GLB1L2: variants seen among roughly 807,000 people sequenced by gnomAD.
The protein encoded by GLB1L2 is galactosidase beta 1 like 2.
Under a neutral mutation model 84.1 loss-of-function variants are expected in GLB1L2, and 68 were observed. That is an observed-to-expected ratio of 0.81 (90% confidence interval 0.67 to 0.99). The LOEUF is 0.99. GLB1L2 is among the 50% of genes least tolerant of loss of function. The pLI is 0.00. For synonymous variants in GLB1L2, 290 were observed against 318.0 expected, an observed-to-expected ratio of 0.91 and a Z score of 0.94; for missense variants, 762 against 805.6, an observed-to-expected ratio of 0.95 and a Z score of 0.66.
In GLB1L2 at chr11:134,371,479, TC is replaced by T; in HGVS notation, c.1420del (p.Leu474Ter). On this transcript the variant is annotated frameshift_variant, in exon 14 of 19. Transcript: ENST00000535456. LOFTEE classifies it high-confidence loss of function. ...FLDYKTTKIA[V>X]PLIQGYTVLR... is the part of the protein sequence containing the mutation. ...GACTACAAGACAACGAAGATTGCTGTCCCCCTGATCCAGGTTCGTTGTTTTT... is the reference window on the plus strand; with the variant it reads ...GACTACAAGACAACGAAGATTGCTGTCCCCTGATCCAGGTTCGTTGTTTTT... The T allele has an allele frequency of 1.3e-6, 2 of 1,586,744 alleles. No individual in the cohort carries two copies. The highest frequency in any genetic ancestry group is 1.7e-6 in the Non-Finnish European group (2 of 1,155,126).
intron 11 of GLB1L2, 86 bp downstream of exon 11, chr11:134,369,971 C>T: frequency 1.8e-6 from 2 of 1,095,050 alleles, no homozygotes; most frequent in Non-Finnish European, 2.8e-6. Flanking sequence ...CTTACTGTCC[C>T]ACCTCGACCC....
chr11:134,349,261 T>C (rs1943593072), intron 5 of GLB1L2, among the ~76,000 whole-genome samples: 1 of 152,250 alleles, frequency 6.6e-6, no homozygotes, highest in Non-Finnish European at 1.5e-5. Flanking sequence ...TGTCATAGCC[T>C]GTGTCAGAAT....
intron 16 of GLB1L2, 84 bp downstream of exon 16, chr11:134,373,892 C>T: frequency 9.7e-7 from 1 of 1,035,870 alleles, no homozygotes; most frequent in Non-Finnish European, 1.5e-6. Context: ...TGCACCGTGG[C>T]CTGGCCCGCA....
At chr11:134,347,149 G>A in intron 4 of GLB1L2, 176 bp from the exon 5 acceptor site, 1 of 626,246 alleles carries the variant, frequency 1.6e-6, no homozygotes. Flanking sequence ...GCGGGTGGGT[G>A]CTCGCCCCAG....
intron 1 of GLB1L2, among the ~76,000 whole-genome samples, chr11:134,342,471 C>T (rs1249405042): frequency 2.0e-5 from 3 of 152,094 alleles, no homozygotes; most frequent in Admixed American, 1.3e-4. Context: ...CAGCCTCTCC[C>T]GTGGCGTGAC....
intron 1 of GLB1L2, 27 bp downstream of exon 1, chr11:134,332,174 G>A (rs1312258838): frequency 6.8e-7 from 1 of 1,467,342 alleles, no homozygotes; most frequent in Non-Finnish European, 9.2e-7. Flanking sequence ...CGCAGCACCT[G>A]CCGGACCCCA....
chr11:134,374,846 TG>T lies in GLB1L2; in HGVS notation c.1825-125del. 3.5e-6 allele frequency: 4 copies of T among 1,152,430 alleles called. No homozygotes were observed. In the South Asian group the frequency reaches 5.3e-5, roughly 15 times the overall value. The allele number at this position is 1,152,430 out of a possible 1,614,324, so 71.4% of individuals were successfully genotyped here. On this transcript the variant is annotated intron_variant, in intron 18 of 18. Coordinates refer to ENST00000535456, the MANE Select transcript of GLB1L2 (RefSeq NM_001370461.1). The stretch of plus-strand genomic sequence containing the variant: ...TCCCTCCTCCTCGCTGCAGACGAGT[TG>T]TTGGTCCCTGTCCCTTCCAGCCTGG...
At chr11:134,364,211 G>T in intron 7 of GLB1L2, 117 bp from the exon 8 acceptor site, 1 of 761,764 alleles carries the variant, frequency 1.3e-6, no homozygotes, top group Non-Finnish European at 2.2e-6. Context: ...GGTGGGAAAC[G>T]GTGTCAGGGC....
At chr11:134,351,112 G>C (rs890418741) in intron 5 of GLB1L2, among the ~76,000 whole-genome samples, 6 of 152,206 alleles carry the variant, frequency 3.9e-5, no homozygotes, top group African/African-American at 1.2e-4. Context: ...CCTGATCGTA[G>C]AGGAAAAGTT....
intron 7 of GLB1L2, 105 bp from the exon 8 acceptor site, chr11:134,364,223 G>T: frequency 1.2e-6 from 1 of 851,882 alleles, no homozygotes; most frequent in Non-Finnish European, 1.9e-6. Context: ...TGTCAGGGCC[G>T]CTTACTTTAT....
intron 7 of GLB1L2, chr11:134,360,679 A>ATTTCACTTTT (rs1943772707): frequency 1.3e-5 from 2 of 151,294 alleles, no homozygotes; most frequent in Non-Finnish European, 2.9e-5. Context: ...TTTTTTAATT[A>ATTTCACTTTT]AAAAAATTAA....
chr11:134,362,060 T>G (rs1281495741), intron 7 of GLB1L2, among the ~76,000 whole-genome samples: 6 of 152,198 alleles, frequency 3.9e-5, no homozygotes, highest in Non-Finnish European at 5.9e-5. Flanking sequence ...TCCTCGGGTC[T>G]TTCGGTCATC....
At position 134,339,202 on chromosome 11, in the gene GLB1L2, T is replaced by G. The variant is rs1428907780; in HGVS notation, c.87-3552T>G. 6.6e-6 allele frequency among the ~76,000 whole-genome samples: 1 copy of G among 152,184 alleles called. No individual in the cohort carries two copies. Among genetic ancestry groups the G allele is most frequent in the Non-Finnish European group, 1.5e-5 (1 of 68,020 alleles). On this transcript the variant is annotated intron_variant, in intron 1 of 18. Coordinates refer to ENST00000535456, the MANE Select transcript of GLB1L2 (RefSeq NM_001370461.1). The surrounding 1 kb of genome is among the most constrained non-coding windows in gnomAD (Gnocchi z 5.7). ...TATCAAGCCTAATTTAGGAGTAAAG[T>G]CTTGCTGACCTTTAAACCAACCAAC...
intron 1 of GLB1L2, among the ~76,000 whole-genome samples, chr11:134,336,343 T>C (rs1245013584): frequency 2.6e-5 from 4 of 152,246 alleles, no homozygotes; most frequent in African/African-American, 7.2e-5. Context: ...CTAGGCACCC[T>C]TCCCTATCCC....
intron 4 of GLB1L2, 58 bp from the exon 5 acceptor site, chr11:134,347,267 C>T (rs185389244): frequency 9.7e-4 from 1,271 of 1,309,072 alleles, no homozygotes; most frequent in Non-Finnish European, 1.3e-3. Flanking sequence ...CAACAGCCTG[C>T]TCACAGCAAA....
At chr11:134,336,859 G>A (rs1943395202) in intron 1 of GLB1L2, among the ~76,000 whole-genome samples, 1 of 152,136 alleles carries the variant, frequency 6.6e-6, no homozygotes, top group Admixed American at 6.5e-5. Context: ...AAGAGTAGAG[G>A]CCTTGTGTTA....
At chr11:134,343,864 C>T (rs1011552544) in intron 2 of GLB1L2, among the ~76,000 whole-genome samples, 29 of 152,206 alleles carry the variant, frequency 1.9e-4, no homozygotes, top group African/African-American at 6.0e-4. Context: ...CGAAAGCCAG[C>T]GATGGGGTGG....
chr11:134,350,234 T>C (rs1943607403), intron 5 of GLB1L2, among the ~76,000 whole-genome samples: 1 of 152,222 alleles, frequency 6.6e-6, no homozygotes, highest in African/African-American at 2.4e-5. Flanking sequence ...CTTTCATGTT[T>C]ACCTAGGACT....
chr11:134,374,753 C>T (rs369059627), intron 18 of GLB1L2, 35 bp downstream of exon 18: 106 of 1,533,258 alleles, frequency 6.9e-5, no homozygotes, highest in Admixed American at 1.0e-4. Flanking sequence ...TTCCCCATGA[C>T]GCCCTGCCCA....
Sources: gnomAD v4.1 joint callset for allele counts (sites outside exome capture counted in the v4.1 genomes callset) on GRCh38, gnomAD v4.1.1 for gene constraint, Gnocchi (gnomAD v3.1) non-coding constraint, MANE v1.5 for transcripts, NCBI Gene and HGNC (gene_info 2026-07-23, HGNC 2026-07-21) for gene names.